The following TSPEAR variants were observed in gnomAD, a reference collection of about 807,000 sequenced individuals.
TSPEAR encodes the protein thrombospondin-type laminin G domain and EAR repeat-containing protein.
A neutral mutation model predicts 71.6 loss-of-function variants in TSPEAR; 69 were observed. The observed-to-expected ratio is 0.96, with a 90% confidence interval of 0.79 to 1.18. TSPEAR has a LOEUF of 1.18. TSPEAR is among the 50% of genes most tolerant of loss of function. The pLI is 0.00. For synonymous variants in TSPEAR, 402 were observed against 387.2 expected, an observed-to-expected ratio of 1.04 and a Z score of -0.45; for missense variants, 971 against 894.9, an observed-to-expected ratio of 1.09 and a Z score of -1.09.
At chr21:44,521,708 G>T (rs587722721) in intron 9 of TSPEAR, among the ~76,000 whole-genome samples, 175 bp downstream of exon 9, 1 of 152,238 alleles carries the variant, frequency 6.6e-6, no homozygotes, top group Non-Finnish European at 1.5e-5. Flanking sequence ...CGCCAGGCAA[G>T]GATCCTGTGC....
In TSPEAR at chr21:44,499,395, G is replaced by C; in HGVS notation, c.*388C>G. On this transcript the variant is annotated 3_prime_UTR_variant, in exon 12 of 12. Coordinates refer to ENST00000323084, the MANE Select transcript of TSPEAR (RefSeq NM_144991.3). ...GGGACGGCACCACACCTGCTCAGGC[G>C]GCCGGACGCACACTGCAGGAGTGGC... 5.2e-6 allele frequency: 1 copy of C among 193,464 alleles called. No individual in the cohort carries two copies. The highest frequency in any genetic ancestry group is 1.1e-5 in the Non-Finnish European group (1 of 94,120). The allele number at this position is 193,464 out of a possible 1,614,324, so 12.0% of individuals were successfully genotyped here. A position where few individuals can be genotyped will look rare whatever the true frequency, so the allele number is the denominator to read the frequency against.
intron 1 of TSPEAR, chr21:44,647,505 C>T: frequency 2.1e-6 from 2 of 936,450 alleles, no homozygotes; most frequent in Non-Finnish European, 1.6e-6. Context: ...GTCACACTTT[C>T]CTCCCCACTG....
intron 1 of TSPEAR, among the ~76,000 whole-genome samples, chr21:44,618,691 T>C (rs968878887): frequency 7.9e-5 from 12 of 152,198 alleles, no homozygotes; most frequent in Non-Finnish European, 1.6e-4. Context: ...TGTAAGGCAG[T>C]GCAGTTGCCT....
chr21:44,707,519 A>G (rs60533424), intron 1 of TSPEAR, among the ~76,000 whole-genome samples: 9,337 of 151,896 alleles, frequency 0.061, 316 homozygotes, highest in Middle Eastern at 0.15. Context: ...GCGGAACCGT[A>G]GTGTCCAATA....
chr21:44,633,591 C>T (rs1353097206), intron 1 of TSPEAR, among the ~76,000 whole-genome samples: 1 of 152,144 alleles, frequency 6.6e-6, no homozygotes, highest in Non-Finnish European at 1.5e-5. Flanking sequence ...AGAGAAGATA[C>T]ATTATATGAT....
Position 44,657,897 on chromosome 21 carries a change from G to C in TSPEAR, c.82+53536C>G, listed in dbSNP as rs1171943294. 5.1e-6 allele frequency: 7 copies of C among 1,373,228 alleles called. No homozygotes were observed. In the East Asian group the frequency reaches 1.6e-4, roughly 32 times the overall value. The allele number at this position is 1,373,228 out of a possible 1,614,324, so 85.1% of individuals were successfully genotyped here. A position where few individuals can be genotyped will look rare whatever the true frequency, so the allele number is the denominator to read the frequency against. The stretch of plus-strand genomic sequence containing the variant: ...TGTTTTTGTGTTACCCAGATGACAG[G>C]ACCCAGGTATAAAGACCACCAGAGA... On this transcript the variant is annotated intron_variant, in intron 1 of 11. Coordinates refer to ENST00000323084, the MANE Select transcript of TSPEAR (RefSeq NM_144991.3).
At chr21:44,616,725 C>T (rs1414519431) in intron 1 of TSPEAR, among the ~76,000 whole-genome samples, 2 of 152,238 alleles carry the variant, frequency 1.3e-5, no homozygotes, top group Admixed American at 6.5e-5. Context: ...GGCTGCGCAC[C>T]GGACACCTGG....
intron 1 of TSPEAR, among the ~76,000 whole-genome samples, chr21:44,573,437 C>T (rs782188069): frequency 3.9e-5 from 6 of 152,154 alleles, no homozygotes; most frequent in African/African-American, 4.8e-5. Context: ...CCTCCACGTG[C>T]GCCTGGGGAG....
At chr21:44,658,138 C>A (rs782775669) in intron 1 of TSPEAR, 1 of 1,613,848 alleles carries the variant, frequency 6.2e-7, no homozygotes, top group African/African-American at 1.3e-5. Flanking sequence ...GCCAGCCCTC[C>A]GTGTGCGTGC....
chr21:44,568,296 G>A (rs1415515716), intron 1 of TSPEAR, among the ~76,000 whole-genome samples: 2 of 152,214 alleles, frequency 1.3e-5, no homozygotes, highest in Non-Finnish European at 2.9e-5. Context: ...CAAGTCGGCA[G>A]CCAGGCACTG....
At chr21:44,615,714 C>CTA (rs1378565378) in intron 1 of TSPEAR, among the ~76,000 whole-genome samples, 7 of 151,822 alleles carry the variant, frequency 4.6e-5, no homozygotes, top group Admixed American at 6.6e-5. Flanking sequence ...TGGCCAACTT[C>CTA]TATATATATA....
intron 1 of TSPEAR, among the ~76,000 whole-genome samples, chr21:44,589,337 T>C (rs9982770): frequency 0.068 from 10,307 of 152,156 alleles, 893 homozygotes; most frequent in African/African-American, 0.2. Flanking sequence ...ATGGGCTGTG[T>C]TTTGCTTTGT....
rs1601591749 is a variant in TSPEAR, at chr21:44,710,906, C to A, written c.82+527G>T. Among the ~76,000 whole-genome samples, 1 of 152,308 alleles carries A rather than the reference C, an allele frequency of 6.6e-6. No individual in the cohort carries two copies. Among genetic ancestry groups the A allele is most frequent in the East Asian group, 1.9e-4 (1 of 5,166 alleles). On this transcript the variant is annotated intron_variant, in intron 1 of 11. Transcript: ENST00000323084. This position sits in a 1 kb window ranked among gnomAD's most constrained non-coding sequence, Gnocchi z 4.6. ...CAGACCAGATTACGCCCCAAAGAAC[C>A]GAGCCCTTCACTCCAGAGGTGGTTG...
chr21:44,674,173 G>A (rs782201961), intron 1 of TSPEAR, among the ~76,000 whole-genome samples: 21 of 148,906 alleles, frequency 1.4e-4, no homozygotes, highest in Non-Finnish European at 3.0e-4. Context: ...TGCACCTCAA[G>A]GAACTAGAAA....
Position 44,612,012 on chromosome 21 carries a change from C to A in TSPEAR, c.83-44007G>T, listed in dbSNP as rs1981707006. On this transcript the variant is annotated intron_variant, in intron 1 of 11. Transcript: ENST00000323084. The surrounding 1 kb of genome is among the most constrained non-coding windows in gnomAD (Gnocchi z 4.1). Reference sequence around the variant, plus strand: ...TTGTGAGACTCCTGTGAGGAAAATACCCAGGGAGGGTATAAAACCTCAGCA... The same window carrying A: ...TTGTGAGACTCCTGTGAGGAAAATAACCAGGGAGGGTATAAAACCTCAGCA... 6.6e-6 allele frequency: 9 copies of A among 1,362,860 alleles called. 1 individual carries two copies. The East Asian group carries it at 1.4e-4, about 21-fold the overall frequency. The allele number at this position is 1,362,860 out of a possible 1,614,324, so 84.4% of individuals were successfully genotyped here.
At chr21:44,523,308 TGTCA>T (rs371202260) in intron 8 of TSPEAR, among the ~76,000 whole-genome samples, 5,571 of 149,760 alleles carry the variant, frequency 0.037, 359 homozygotes, top group African/African-American at 0.13. Context: ...TCAGTCAGTT[TGTCA>T]GTCAGTCAGG....
intron 1 of TSPEAR, among the ~76,000 whole-genome samples, chr21:44,651,979 CTTTTT>C (rs60867977): frequency 1.6e-5 from 2 of 124,510 alleles, no homozygotes; most frequent in Non-Finnish European, 3.3e-5. Flanking sequence ...ATAAAACTTT[CTTTTT>C]TTTTTTTTTT....
chr21:44,531,148 G>A lies in TSPEAR; in HGVS notation c.543-15C>T, dbSNP rs781791114. ...CATCGGCCATTCTGAAAATATCAAAGGACTGTGTTAGGGCCATAGGAGAGT... is the reference window on the plus strand; with the variant it reads ...CATCGGCCATTCTGAAAATATCAAAAGACTGTGTTAGGGCCATAGGAGAGT... On this transcript the variant is annotated splice_polypyrimidine_tract_variant and intron_variant, in intron 3 of 11. Transcript: ENST00000323084. 15 of 1,610,470 alleles carry A rather than the reference G, an allele frequency of 9.3e-6. No individual in the cohort carries two copies. In the South Asian group the frequency reaches 1.4e-4, roughly 15 times the overall value.
rs1409817798 is a variant in TSPEAR at position 44,506,828 on chromosome 21, A to G, written c.1755-1947T>C. On this transcript the variant is annotated intron_variant, in intron 10 of 11. Coordinates refer to ENST00000323084, the MANE Select transcript of TSPEAR (RefSeq NM_144991.3). The surrounding 1 kb of genome is among the most constrained non-coding windows in gnomAD (Gnocchi z 4.2). ...ACGTCGGATGTACCAGTGGTGGAAG[A>G]TCCTGTCCGGCTGCACCGAGGCTCA... 2 of 152,146 alleles carry G rather than the reference A, an allele frequency of 1.3e-5. No individual in the cohort carries two copies. The highest frequency in any genetic ancestry group is 4.8e-5 in the African/African-American group (2 of 41,502). 9.4% of individuals were successfully genotyped at this position (152,146 alleles called of 1,614,324 possible). A position where few individuals can be genotyped will look rare whatever the true frequency, so the allele number is the denominator to read the frequency against.
Sources: allele counts gnomAD v4.1 joint callset (sites outside exome capture counted in the v4.1 genomes callset), GRCh38; gene constraint gnomAD v4.1.1; non-coding constraint Gnocchi (gnomAD v3.1); transcripts MANE v1.5; gene names NCBI Gene and HGNC (gene_info 2026-07-23, HGNC 2026-07-21).